ADAM32: variants seen among roughly 807,000 people sequenced by gnomAD.
ADAM32 encodes the protein disintegrin and metalloproteinase domain-containing protein 32.
A neutral mutation model predicts 114.9 loss-of-function variants in ADAM32; 89 were observed. The observed-to-expected ratio is 0.77, with a 90% CI of 0.65 to 0.92. The LOEUF is 0.92. Ranked by LOEUF, ADAM32 falls within the 40% of genes least tolerant of loss-of-function variation. The pLI, the probability that ADAM32 is intolerant of heterozygous loss-of-function variation, is 0.00. For missense variants in ADAM32, 870 were observed against 932.8 expected, an observed-to-expected ratio of 0.93 and a Z score of 0.88; for synonymous variants, 285 against 307.5, an observed-to-expected ratio of 0.93 and a Z score of 0.77.
intron 6 of ADAM32, chr8:39,157,602 T>G: frequency 3.6e-6 from 2 of 553,642 alleles, no homozygotes; most frequent in Non-Finnish European, 3.4e-6. Context: ...TTCTTCTCCA[T>G]GGTTTGGAAG....
intron 10 of ADAM32, among the ~76,000 whole-genome samples, chr8:39,184,187 A>G (rs538104902): frequency 1.4e-4 from 22 of 152,354 alleles, no homozygotes; most frequent in African/African-American, 4.6e-4. Context: ...ATTATGTGAC[A>G]TGTATCATTA....
chr8:39,123,766 G>A (rs2129444532), intron 2 of ADAM32, among the ~76,000 whole-genome samples: 1 of 149,602 alleles, frequency 6.7e-6, no homozygotes, highest in East Asian at 2.0e-4. Context: ...GAGTGCAGTG[G>A]CGCGATCTTG....
chr8:39,138,855 A>G (rs550896996), intron 3 of ADAM32, among the ~76,000 whole-genome samples: 1 of 152,172 alleles, frequency 6.6e-6, no homozygotes, highest in East Asian at 1.9e-4. Context: ...GACCGCTTAA[A>G]GATTGCTGTT....
intron 1 of ADAM32, among the ~76,000 whole-genome samples, chr8:39,111,720 CAAAAAAAAAAAAAA>C (rs11343568): frequency 1.3e-5 from 1 of 78,300 alleles, no homozygotes; most frequent in African/African-American, 4.7e-5. Context: ...GACTCTTTCT[CAAAAAAAAAAAAAA>C]AAAAAAAAGG....
At chr8:39,173,275 A>G (rs758478823) in intron 10 of ADAM32, among the ~76,000 whole-genome samples, 1 of 152,104 alleles carries the variant, frequency 6.6e-6, no homozygotes, top group Non-Finnish European at 1.5e-5. Flanking sequence ...AAACAAGCAA[A>G]CAAACAAACC....
chr8:39,138,650 T>C (rs1018860575), intron 3 of ADAM32, among the ~76,000 whole-genome samples: 14 of 152,230 alleles, frequency 9.2e-5, no homozygotes, highest in Non-Finnish European at 4.4e-5. Flanking sequence ...GCATGTGTCT[T>C]TATAGTAGCA....
At chr8:39,211,099 T>C in intron 11 of ADAM32, 45 bp from the exon 12 acceptor site, 1 of 1,342,554 alleles carries the variant, frequency 7.4e-7, no homozygotes, top group South Asian at 2.0e-5. Context: ...AGAAATGTGT[T>C]TCCAGAAGTA....
At chr8:39,155,258 A>G (rs1804072750) in intron 6 of ADAM32, among the ~76,000 whole-genome samples, 1 of 152,250 alleles carries the variant, frequency 6.6e-6, no homozygotes, top group African/African-American at 2.4e-5. Context: ...AATAAAGGAT[A>G]TTCAAATTGG....
intron 11 of ADAM32, among the ~76,000 whole-genome samples, chr8:39,204,668 C>A (rs144662202): frequency 6.6e-6 from 1 of 152,184 alleles, no homozygotes; most frequent in East Asian, 1.9e-4. Context: ...CCATTGCTGG[C>A]GAGGAGCTGT....
At chr8:39,178,701 G>C (rs1256465902) in intron 10 of ADAM32, among the ~76,000 whole-genome samples, 2 of 152,018 alleles carry the variant, frequency 1.3e-5, no homozygotes, top group Non-Finnish European at 2.9e-5. Flanking sequence ...GGTTTTTGTG[G>C]GGCCTTTTTT....
intron 21 of ADAM32, among the ~76,000 whole-genome samples, chr8:39,274,672 T>C (rs1585702518): frequency 6.6e-6 from 1 of 152,186 alleles, no homozygotes; most frequent in Non-Finnish European, 1.5e-5. Flanking sequence ...GAGAGAGCCA[T>C]GTGCTTCATA....
intron 18 of ADAM32, 22 bp downstream of exon 18, chr8:39,254,538 T>A: frequency 1.3e-6 from 2 of 1,495,258 alleles, no homozygotes; most frequent in Non-Finnish European, 1.8e-6. Context: ...TCTCTTTAAA[T>A]ACCCATTTAA....
At position 39,111,141 on chromosome 8, in the gene ADAM32, A is replaced by G. The variant is rs116703089; in HGVS notation, c.58+3308A>G. Among the ~76,000 whole-genome samples the G allele has an allele frequency of 8.5e-3, 1,301 of 152,294 alleles. 19 individuals carry two copies. The highest frequency in any genetic ancestry group is 0.03 in the African/African-American group (1,256 of 41,558). ...TCACCCGTTTGTTTACTGATTCATC[A>G]GTTGATGGACATTTGATTGTTTCCA... On this transcript the variant is annotated intron_variant, in intron 1 of 24. Transcript: ENST00000379907.
At chr8:39,172,540 C>G (rs1805264449) in intron 10 of ADAM32, among the ~76,000 whole-genome samples, 2 of 152,132 alleles carry the variant, frequency 1.3e-5, no homozygotes, top group African/African-American at 4.8e-5. Context: ...TCTATGTGTT[C>G]TTATTGTTCA....
At chr8:39,126,708 A>G (rs888726602) in intron 2 of ADAM32, among the ~76,000 whole-genome samples, 1 of 152,006 alleles carries the variant, frequency 6.6e-6, no homozygotes, top group African/African-American at 2.4e-5. Context: ...CCAGTACTGT[A>G]TTGAATAGGA....
intron 14 of ADAM32, among the ~76,000 whole-genome samples, chr8:39,230,243 G>A: frequency 6.6e-6 from 1 of 152,098 alleles, no homozygotes; most frequent in East Asian, 1.9e-4. Context: ...TTTAACATAT[G>A]ACTTCACATT....
intron 12 of ADAM32, among the ~76,000 whole-genome samples, chr8:39,220,127 C>T (rs1235465998): frequency 1.3e-5 from 2 of 152,024 alleles, no homozygotes; most frequent in African/African-American, 4.8e-5. Context: ...CTACAGTGTT[C>T]AGTGCATATA....
At chr8:39,172,452 A>G (rs185613787) in intron 10 of ADAM32, among the ~76,000 whole-genome samples, 1 of 152,196 alleles carries the variant, frequency 6.6e-6, no homozygotes, top group African/African-American at 2.4e-5. Flanking sequence ...AGCCCCACAT[A>G]CATTAGCTGT....
chr8:39,263,021 G>A (rs1423554526), intron 19 of ADAM32, among the ~76,000 whole-genome samples: 3 of 152,080 alleles, frequency 2.0e-5, no homozygotes, highest in Non-Finnish European at 4.4e-5. Context: ...TTCTGTTTAC[G>A]ATTCAGTCCT....
Sources: allele counts gnomAD v4.1 joint callset (sites outside exome capture counted in the v4.1 genomes callset), GRCh38; gene constraint gnomAD v4.1.1; transcripts MANE v1.5; gene names NCBI Gene and HGNC (gene_info 2026-07-23, HGNC 2026-07-21).